PTPRN2: variants seen among roughly 807,000 people sequenced by gnomAD.
PTPRN2 encodes protein tyrosine phosphatase receptor type N2.
A neutral mutation model predicts 118.8 loss-of-function variants in PTPRN2; 74 were observed. The ratio of observed to expected loss-of-function variants is 0.62; its 90% confidence interval spans 0.52 to 0.76. The LOEUF (loss-of-function observed/expected upper bound fraction) is 0.76. PTPRN2 is among the 30% of genes least tolerant of loss of function. The pLI is 0.00. For synonymous variants in PTPRN2, 641 were observed against 608.0 expected, an observed-to-expected ratio of 1.05 and a Z score of -0.80; for missense variants, 1,481 against 1,394.4, an observed-to-expected ratio of 1.06 and a Z score of -0.99.
chr7:158,094,673 C>A (rs1315883827), intron 10 of PTPRN2, among the ~76,000 whole-genome samples: 1 of 152,206 alleles, frequency 6.6e-6, no homozygotes, highest in Non-Finnish European at 1.5e-5. Context: ...TACACAAACA[C>A]ATGACTGAAT....
chr7:158,224,192 A>T (rs1828581921), intron 3 of PTPRN2, among the ~76,000 whole-genome samples: 1 of 152,240 alleles, frequency 6.6e-6, no homozygotes, highest in Non-Finnish European at 1.5e-5. Flanking sequence ...CCAGATTGAT[A>T]CAGAGGTTTC....
chr7:158,260,957 G>A (rs774970811), intron 3 of PTPRN2, among the ~76,000 whole-genome samples: 1 of 152,128 alleles, frequency 6.6e-6, no homozygotes, highest in Non-Finnish European at 1.5e-5. Context: ...GGGCAGGAGG[G>A]GGCCTGTCCC....
chr7:157,582,874 C>CAA (rs112054959), intron 17 of PTPRN2, among the ~76,000 whole-genome samples: 7 of 117,596 alleles, frequency 6.0e-5, no homozygotes, highest in Admixed American at 2.6e-4. Context: ...AACTCCACCT[C>CAA]AAAAAAAAAA....
At chr7:158,423,541 T>TC (rs1214819222) in intron 2 of PTPRN2, among the ~76,000 whole-genome samples, 2 of 143,616 alleles carry the variant, frequency 1.4e-5, no homozygotes, top group East Asian at 3.9e-4. Flanking sequence ...GGTTCCTCAT[T>TC]TTTTTTTTTT....
At chr7:157,540,982 C>A (rs1357181523) in intron 22 of PTPRN2, among the ~76,000 whole-genome samples, 197 bp from the exon 23 acceptor site, 1 of 152,216 alleles carries the variant, frequency 6.6e-6, no homozygotes, top group Admixed American at 6.5e-5. Context: ...GACAGTGTAC[C>A]CTTCGGTTTG....
chr7:157,603,012 A>C lies in PTPRN2; in HGVS notation c.2418+990T>G, dbSNP rs1801771362. Among the ~76,000 whole-genome samples, 1 of 152,206 alleles carries C rather than the reference A, an allele frequency of 6.6e-6. No homozygotes were observed. The highest frequency in any genetic ancestry group is 2.4e-5 in the African/African-American group (1 of 41,446). On this transcript the variant is annotated intron_variant, in intron 16 of 22. Coordinates refer to ENST00000389418, the MANE Select transcript of PTPRN2 (RefSeq NM_002847.5). This position sits in a 1 kb window ranked among gnomAD's most constrained non-coding sequence, Gnocchi z 5.4. ...TTCCCTGAAGACCAGAATTGAGAAG[A>C]GCTGTTTAAAGGGGGAAACATGACA...
At chr7:158,548,352 C>A (rs764528357) in intron 1 of PTPRN2, among the ~76,000 whole-genome samples, 13 of 152,336 alleles carry the variant, frequency 8.5e-5, no homozygotes, top group African/African-American at 3.1e-4. Context: ...GCACTGCCAC[C>A]GAGGTCACTG....
intron 2 of PTPRN2, among the ~76,000 whole-genome samples, chr7:158,375,414 AGGCT>A (rs1336000991): frequency 1.3e-5 from 2 of 152,234 alleles, no homozygotes; most frequent in African/African-American, 2.4e-5. Context: ...CAAGGCAGCC[AGGCT>A]CAAGCTCCTG....
intron 9 of PTPRN2, among the ~76,000 whole-genome samples, chr7:158,132,327 CAT>C (rs1326119966): frequency 2.0e-5 from 3 of 151,818 alleles, no homozygotes; most frequent in African/African-American, 4.8e-5. Context: ...CATACACACA[CAT>C]GCAAATAAGC....
chr7:157,846,327 C>T (rs1415927502), intron 12 of PTPRN2, among the ~76,000 whole-genome samples: 1 of 152,132 alleles, frequency 6.6e-6, no homozygotes, highest in Non-Finnish European at 1.5e-5. Context: ...ATTCTATGAA[C>T]CTAAGAACAG....
chr7:157,682,588 A>G, intron 13 of PTPRN2, 137 bp downstream of exon 13: 1 of 871,456 alleles, frequency 1.1e-6, no homozygotes, highest in Admixed American at 1.9e-5. Flanking sequence ...GAAGTTCCAA[A>G]CTGTCCTCAT....
rs982008225 is a variant in PTPRN2 at position 158,055,780 on chromosome 7, T to C, written c.1723+25518A>G. On this transcript the variant is annotated intron_variant, in intron 11 of 22. Transcript: ENST00000389418. ...CACTCCTTACCCTGCCCCTTTGTTT[T>C]GTATCCAATAAATATCAGCGCAGCC... Among the ~76,000 whole-genome samples the C allele has an allele frequency of 3.3e-5, 5 of 152,328 alleles. No individual in the cohort carries two copies. The South Asian group carries it at 1.0e-3, about 32-fold the overall frequency.
chr7:158,539,260 C>T (rs112953370), intron 1 of PTPRN2, among the ~76,000 whole-genome samples: 2,473 of 152,302 alleles, frequency 0.016, 73 homozygotes, highest in African/African-American at 0.055. Context: ...TGCTATATAT[C>T]ACATTCACCC....
chr7:158,222,338 T>A (rs10257230), intron 3 of PTPRN2, among the ~76,000 whole-genome samples: 47,435 of 152,034 alleles, frequency 0.31, 9,712 homozygotes, highest in African/African-American at 0.59. Context: ...TACCCACTGA[T>A]GATGGACTGG....
At chr7:158,329,603 C>G (rs1349844109) in intron 2 of PTPRN2, among the ~76,000 whole-genome samples, 1 of 152,230 alleles carries the variant, frequency 6.6e-6, no homozygotes, top group Non-Finnish European at 1.5e-5. Context: ...GTGACCTTGG[C>G]TTCCAGCCTT....
chr7:157,878,982 C>T (rs545288029), intron 12 of PTPRN2, among the ~76,000 whole-genome samples: 1 of 145,874 alleles, frequency 6.9e-6, no homozygotes, highest in East Asian at 2.0e-4. Context: ...CGCTTACTCA[C>T]TGAGGAGCTC....
intron 9 of PTPRN2, among the ~76,000 whole-genome samples, chr7:158,128,387 A>G (rs976319235): frequency 2.0e-5 from 3 of 152,206 alleles, no homozygotes; most frequent in African/African-American, 7.2e-5. Context: ...GGAAAAGAAA[A>G]GAAGTCAGCC....
chr7:157,954,023 G>C (rs1801001998), intron 11 of PTPRN2, among the ~76,000 whole-genome samples: 2 of 152,232 alleles, frequency 1.3e-5, no homozygotes, highest in Non-Finnish European at 2.9e-5. Context: ...GGCTGCAACA[G>C]GCAGAGCCAC....
intron 2 of PTPRN2, among the ~76,000 whole-genome samples, chr7:158,337,599 C>A (rs879781450): frequency 8.9e-5 from 5 of 56,378 alleles, no homozygotes; most frequent in South Asian, 1.3e-3. Flanking sequence ...TCACTCACAC[C>A]CACACTCTCA....
Sources: gnomAD v4.1 joint callset for allele counts (sites outside exome capture counted in the v4.1 genomes callset) on GRCh38, gnomAD v4.1.1 for gene constraint, Gnocchi (gnomAD v3.1) non-coding constraint, MANE v1.5 for transcripts, NCBI Gene and HGNC (gene_info 2026-07-23, HGNC 2026-07-21) for gene names.